The following RBFOX1 variants were observed in gnomAD, a reference collection of about 807,000 sequenced individuals.
RBFOX1 encodes the protein RNA binding protein fox-1 homolog 1.
RBFOX1 carries 8 observed loss-of-function variants against 57.7 expected under a neutral mutation model. The observed-to-expected ratio is 0.14, with a 90% confidence interval of 0.08 to 0.25. The LOEUF (loss-of-function observed/expected upper bound fraction) is 0.25. Among genes scored for constraint, RBFOX1 ranks in the 10% least tolerant of loss-of-function variants. The pLI, the probability that RBFOX1 is intolerant of heterozygous loss-of-function variation, is 1.00. For missense variants in RBFOX1, 611 were observed against 548.5 expected (o/e 1.11, Z -1.14); for synonymous variants, 326 against 222.4 (o/e 1.47, Z -4.15).
intron 1 of RBFOX1, among the ~76,000 whole-genome samples, chr16:6,175,788 G>A (rs2097001867): frequency 6.6e-6 from 1 of 152,110 alleles, no homozygotes; most frequent in Admixed American, 6.5e-5. Context: ...CAGACTTTCG[G>A]GAGCAGTCTC....
intron 4 of RBFOX1, among the ~76,000 whole-genome samples, chr16:7,459,682 C>G (rs1041222782): frequency 1.3e-5 from 2 of 152,140 alleles, no homozygotes; most frequent in Non-Finnish European, 2.9e-5. Context: ...GAAATTGCAC[C>G]ATTTTGGCAT....
intron 3 of RBFOX1, among the ~76,000 whole-genome samples, chr16:6,674,101 T>C (rs1273734989): frequency 6.6e-6 from 1 of 152,144 alleles, no homozygotes; most frequent in Non-Finnish European, 1.5e-5. Flanking sequence ...AGAAACACCA[T>C]TCAAATTGGC....
At chr16:7,630,084 T>C (rs1393814051) in intron 10 of RBFOX1, among the ~76,000 whole-genome samples, 4 of 152,096 alleles carry the variant, frequency 2.6e-5, no homozygotes, top group African/African-American at 9.7e-5. Flanking sequence ...ATGCTTACTA[T>C]TGATTGAGTG....
chr16:5,580,501 C>T (rs146841509), intron 2 of RBFOX1, among the ~76,000 whole-genome samples: 4,770 of 152,318 alleles, frequency 0.031, 102 homozygotes, highest in Non-Finnish European at 0.052. Context: ...TGCTGCCAGG[C>T]GGCCAGCTGG....
chr16:6,917,913 G>A (rs958222644), intron 3 of RBFOX1, among the ~76,000 whole-genome samples: 2 of 152,136 alleles, frequency 1.3e-5, no homozygotes, highest in African/African-American at 4.8e-5. Flanking sequence ...GGAGACCTGG[G>A]TATTATCCCT....
At chr16:5,816,366 G>A (rs1488433332) in intron 3 of RBFOX1, among the ~76,000 whole-genome samples, 1 of 152,146 alleles carries the variant, frequency 6.6e-6, no homozygotes, top group Non-Finnish European at 1.5e-5. Flanking sequence ...GTCTGAAGCA[G>A]CACCTCTCTA....
At chr16:6,552,226 G>T (rs766743738) in intron 2 of RBFOX1, among the ~76,000 whole-genome samples, 8 of 152,130 alleles carry the variant, frequency 5.3e-5, no homozygotes, top group Non-Finnish European at 1.0e-4. Flanking sequence ...AATTAGACCA[G>T]TGAATAGAGT....
intron 9 of RBFOX1, 87 bp downstream of exon 9, chr16:7,597,518 G>C: frequency 8.2e-7 from 1 of 1,220,178 alleles, no homozygotes; most frequent in South Asian, 1.4e-5. Context: ...ACAACAAGCT[G>C]TGTTTGCCTG....
intron 3 of RBFOX1, among the ~76,000 whole-genome samples, chr16:6,859,199 A>ATATACATG (rs2058572091): frequency 9.3e-6 from 1 of 107,770 alleles, no homozygotes; most frequent in Non-Finnish European, 2.0e-5. Flanking sequence ...ATATATATGT[A>ATATACATG]TATATATATA....
At chr16:6,276,600 C>A (rs551591278) in intron 1 of RBFOX1, among the ~76,000 whole-genome samples, 2 of 152,156 alleles carry the variant, frequency 1.3e-5, no homozygotes, top group Non-Finnish European at 2.9e-5. Flanking sequence ...ACCTTGGCCT[C>A]CAAAAGTGCT....
Position 6,098,946 on chromosome 16 carries a change from C to T in RBFOX1, c.-127+78954C>T, listed in dbSNP as rs55765086. ...TTGAAGGACGGCCTGGACTGCACTT[C>T]GTAAGCCACCTTCTGTAGTTCTGAT... On this transcript the variant is annotated intron_variant, in intron 1 of 15. Transcript: ENST00000550418. Among the ~76,000 whole-genome samples the T allele has an allele frequency of 2.6e-3, 390 of 152,254 alleles. 3 individuals are homozygous for T. Among genetic ancestry groups the T allele is most frequent in the Middle Eastern group, 0.024 (7 of 292 alleles).
intron 4 of RBFOX1, among the ~76,000 whole-genome samples, chr16:5,991,161 C>T (rs975928391): frequency 2.0e-5 from 3 of 152,198 alleles, no homozygotes; most frequent in Admixed American, 6.5e-5. Context: ...TGTAGGGTTA[C>T]ATACAATGCG....
chr16:6,240,748 A>G (rs1041223499), intron 1 of RBFOX1, among the ~76,000 whole-genome samples: 4 of 152,014 alleles, frequency 2.6e-5, no homozygotes, highest in Admixed American at 6.6e-5. Context: ...CGTCTTGGCT[A>G]CTTACAACTC....
In RBFOX1 at chr16:6,452,749, T is replaced by C. The variant is rs544580313; in HGVS notation, c.-64+135692T>C. ...AGTTAGACTGCTTTAAAGTGGATCC[T>C]TGTGCCTTATTTCACTAGCTATGTG... On this transcript the variant is annotated intron_variant, in intron 2 of 15. Coordinates refer to ENST00000550418, the MANE Select transcript of RBFOX1 (RefSeq NM_018723.4). Among the ~76,000 whole-genome samples the C allele has an allele frequency of 3.3e-5, 5 of 152,338 alleles. No individual in the cohort carries two copies. In the East Asian group the frequency reaches 5.8e-4, roughly 18 times the overall value.
chr16:6,665,786 T>C (rs1244069479), intron 3 of RBFOX1, among the ~76,000 whole-genome samples: 1 of 152,208 alleles, frequency 6.6e-6, no homozygotes, highest in Non-Finnish European at 1.5e-5. Context: ...ATGCATATTC[T>C]ATTATTGAAT....
chr16:7,254,431 C>G (rs571336361), intron 4 of RBFOX1, among the ~76,000 whole-genome samples: 2 of 152,234 alleles, frequency 1.3e-5, no homozygotes, highest in South Asian at 4.1e-4. Flanking sequence ...CAAGATATCA[C>G]TGGCCTGATT....
chr16:7,145,672 T>C (rs889655716), intron 4 of RBFOX1, among the ~76,000 whole-genome samples: 3 of 152,156 alleles, frequency 2.0e-5, no homozygotes, highest in Admixed American at 6.5e-5. Context: ...CTGAATTCTG[T>C]TTCATTTAGA....
intron 4 of RBFOX1, among the ~76,000 whole-genome samples, chr16:7,086,536 T>C (rs2153805914): frequency 6.6e-6 from 1 of 152,220 alleles, no homozygotes; most frequent in African/African-American, 2.4e-5. Context: ...TAAAATGGAT[T>C]AAAAAGAAAA....
intron 1 of RBFOX1, among the ~76,000 whole-genome samples, chr16:5,427,699 C>T (rs912434031): frequency 4.6e-5 from 7 of 152,168 alleles, no homozygotes; most frequent in African/African-American, 1.7e-4. Flanking sequence ...GCTCAAAGGC[C>T]GTCTGCTGTA....
Sources: allele counts gnomAD v4.1 joint callset (sites outside exome capture counted in the v4.1 genomes callset), GRCh38; gene constraint gnomAD v4.1.1; transcripts MANE v1.5; gene names NCBI Gene and HGNC (gene_info 2026-07-23, HGNC 2026-07-21).